SLC16A10: variants seen among roughly 807,000 people sequenced by gnomAD.
SLC16A10 encodes solute carrier family 16 member 10.
Under a neutral mutation model 40.0 loss-of-function variants are expected in SLC16A10, and 27 were observed. The observed-to-expected ratio is 0.67, with a 90% CI of 0.50 to 0.93. The LOEUF (loss-of-function observed/expected upper bound fraction) is 0.93, where lower values mean the gene tolerates loss of function less well. Among genes scored for constraint, SLC16A10 ranks in the 40% least tolerant of loss-of-function variants. The pLI is 0.00. For synonymous variants in SLC16A10, 213 were observed against 249.8 expected (o/e 0.85, Z 1.39); for missense variants, 529 against 658.2 (o/e 0.80, Z 2.15).
intron 1 of SLC16A10, among the ~76,000 whole-genome samples, chr6:111,140,470 AAAAAG>A (rs1232219460): frequency 2.0e-5 from 3 of 152,042 alleles, no homozygotes; most frequent in African/African-American, 4.8e-5. Flanking sequence ...CTCCAAAAAA[AAAAAG>A]AAAAGGAACA....
chr6:111,192,685 A>G (rs1024887117), intron 3 of SLC16A10, among the ~76,000 whole-genome samples: 1 of 152,204 alleles, frequency 6.6e-6, no homozygotes, highest in Non-Finnish European at 1.5e-5. Context: ...TCACAGTTCC[A>G]TATGGCTGGG....
At chr6:111,200,471 A>G (rs1366418385) in intron 3 of SLC16A10, among the ~76,000 whole-genome samples, 1 of 152,066 alleles carries the variant, frequency 6.6e-6, no homozygotes. Context: ...TAATCACCTC[A>G]CTCGGCTTGC....
intron 1 of SLC16A10, among the ~76,000 whole-genome samples, chr6:111,116,594 G>C (rs957026038): frequency 1.3e-5 from 2 of 152,198 alleles, no homozygotes; most frequent in Non-Finnish European, 2.9e-5. Flanking sequence ...CCTACTTTAT[G>C]TACTATGATG....
chr6:111,222,454 A>AAT lies in SLC16A10; in HGVS notation c.*220_*221insTA, dbSNP rs1770918349. On this transcript the variant is annotated 3_prime_UTR_variant, in exon 6 of 6. Transcript: ENST00000368851. ...GAGGGCAGAGACTCTGGTATATGAA[A>AAT]ACGTCTGAAAGTCACATATTGTGAA... 2.6e-6 allele frequency: 1 copy of AAT among 383,492 alleles called. No individual in the cohort carries two copies. The highest frequency in any genetic ancestry group is 4.0e-6 in the Non-Finnish European group (1 of 249,486). The allele number at this position is 383,492 out of a possible 1,614,324, so 23.8% of individuals were successfully genotyped here. A position where few individuals can be genotyped will look rare whatever the true frequency, so the allele number is the denominator to read the frequency against.
chr6:111,169,320 A>G (rs899703238), intron 1 of SLC16A10, among the ~76,000 whole-genome samples: 5 of 152,250 alleles, frequency 3.3e-5, no homozygotes, highest in African/African-American at 1.2e-4. Flanking sequence ...CCAAAAAGCC[A>G]GGAGAAGAAT....
At chr6:111,123,986 C>G (rs917858091) in intron 1 of SLC16A10, among the ~76,000 whole-genome samples, 1 of 152,266 alleles carries the variant, frequency 6.6e-6, no homozygotes, top group East Asian at 1.9e-4. Flanking sequence ...GTCAGCCAGT[C>G]AGAGGTGAGA....
intron 1 of SLC16A10, among the ~76,000 whole-genome samples, chr6:111,168,335 T>C (rs555087886): frequency 1.8e-4 from 27 of 152,248 alleles, no homozygotes; most frequent in Non-Finnish European, 2.9e-4. Flanking sequence ...AGTAGCTATG[T>C]ACTTCAGTTT....
At chr6:111,137,713 A>G (rs375571756) in intron 1 of SLC16A10, among the ~76,000 whole-genome samples, 17 of 152,186 alleles carry the variant, frequency 1.1e-4, no homozygotes, top group Non-Finnish European at 1.6e-4. Flanking sequence ...AACCTCCCCA[A>G]TAGTACTTGG....
intron 1 of SLC16A10, among the ~76,000 whole-genome samples, chr6:111,159,511 ATTTG>A (rs888347476): frequency 4.0e-4 from 61 of 152,296 alleles, no homozygotes; most frequent in African/African-American, 1.4e-3. Context: ...ATATACCATA[ATTTG>A]TTTATCTAAT....
chr6:111,132,440 A>C (rs548941724), intron 1 of SLC16A10, among the ~76,000 whole-genome samples: 1 of 152,264 alleles, frequency 6.6e-6, no homozygotes, highest in South Asian at 2.1e-4. Flanking sequence ...ACCACTGACA[A>C]CCTATCAAAA....
At chr6:111,088,790 T>C (rs1386805022) in intron 1 of SLC16A10, among the ~76,000 whole-genome samples, 1 of 151,336 alleles carries the variant, frequency 6.6e-6, no homozygotes, top group Non-Finnish European at 1.5e-5. Flanking sequence ...AACCATATAG[T>C]AAATTAGATA....
chr6:111,206,256 T>C (rs1013720112), intron 3 of SLC16A10, among the ~76,000 whole-genome samples: 2 of 152,066 alleles, frequency 1.3e-5, no homozygotes, highest in Non-Finnish European at 2.9e-5. Flanking sequence ...TTTATATTTT[T>C]AGTAGAGATG....
At chr6:111,089,921 T>TG in intron 1 of SLC16A10, among the ~76,000 whole-genome samples, 1 of 105,206 alleles carries the variant, frequency 9.5e-6, no homozygotes, top group Non-Finnish European at 1.9e-5. Context: ...TTTTTTTTTT[T>TG]TTTTTTTTTT....
In SLC16A10 at chr6:111,230,867, G is replaced by A. The variant is rs1461052608; in HGVS notation, c.*8632G>A. ...ACACCAAAGCCAAATTATTCCAAGTGTATGCTATACACCGCAGTGCAGCTC... is the reference window on the plus strand; with the variant it reads ...ACACCAAAGCCAAATTATTCCAAGTATATGCTATACACCGCAGTGCAGCTC... On this transcript the variant is annotated 3_prime_UTR_variant, in exon 6 of 6. Transcript: ENST00000368851. The A allele has an allele frequency of 6.6e-6, 1 of 152,120 alleles. No individual in the cohort carries two copies. Among genetic ancestry groups the A allele is most frequent in the Non-Finnish European group, 1.5e-5 (1 of 68,020 alleles). The allele number at this position is 152,120 out of a possible 1,614,324, so 9.4% of individuals were successfully genotyped here. A position where few individuals can be genotyped will look rare whatever the true frequency, so the allele number is the denominator to read the frequency against.
chr6:111,135,797 C>T (rs951025315), intron 1 of SLC16A10, among the ~76,000 whole-genome samples: 1 of 152,224 alleles, frequency 6.6e-6, no homozygotes, highest in African/African-American at 2.4e-5. Flanking sequence ...CGTTCAGAAA[C>T]CTTGTGCCAT....
chr6:111,133,318 A>C (rs1054328316), intron 1 of SLC16A10, among the ~76,000 whole-genome samples: 8 of 152,200 alleles, frequency 5.3e-5, no homozygotes, highest in Admixed American at 3.9e-4. Context: ...CTCTAGGACT[A>C]ATGCTCATTG....
chr6:111,111,832 A>G (rs1365759952), intron 1 of SLC16A10, among the ~76,000 whole-genome samples: 1 of 152,224 alleles, frequency 6.6e-6, no homozygotes, highest in Non-Finnish European at 1.5e-5. Context: ...GGCATTAAGT[A>G]CATACAGAAT....
chr6:111,199,780 G>C (rs1445311973), intron 3 of SLC16A10, among the ~76,000 whole-genome samples: 1 of 96,240 alleles, frequency 1.0e-5, no homozygotes, highest in Non-Finnish European at 2.4e-5. Context: ...ATGATGCTAT[G>C]TCATAGATGG....
At chr6:111,129,559 G>A (rs1448165980) in intron 1 of SLC16A10, among the ~76,000 whole-genome samples, 2 of 152,176 alleles carry the variant, frequency 1.3e-5, no homozygotes, top group Admixed American at 1.3e-4. Flanking sequence ...TGATAAAGCT[G>A]TTATTCTGTA....
Sources: allele counts gnomAD v4.1 joint callset (sites outside exome capture counted in the v4.1 genomes callset), GRCh38; gene constraint gnomAD v4.1.1; transcripts MANE v1.5; gene names NCBI Gene and HGNC (gene_info 2026-07-23, HGNC 2026-07-21).